DPYD: variants seen among roughly 807,000 people sequenced by gnomAD.
DPYD encodes dihydropyrimidine dehydrogenase, also known as dihydropyrimidine dehydrogenase [NADP(+)].
In DPYD, 109 loss-of-function variants were observed where a neutral mutation model predicts 116.2. The observed-to-expected ratio is 0.94, with a 90% CI of 0.80 to 1.10. The LOEUF (loss-of-function observed/expected upper bound fraction) is 1.10, where lower values mean the gene tolerates loss of function less well. Ranked by LOEUF, DPYD falls within the 50% of genes least tolerant of loss-of-function variation. The probability of loss-of-function intolerance (pLI) is 0.00; values close to 1 mark genes in which losing one functional copy is unlikely to be tolerated. For synonymous variants in DPYD, 440 were observed against 432.0 expected (o/e 1.02, Z -0.23); for missense variants, 1,302 against 1,254.5 (o/e 1.04, Z -0.57).
intron 13 of DPYD, among the ~76,000 whole-genome samples, chr1:97,452,350 T>C (rs537335021): frequency 6.6e-6 from 1 of 152,320 alleles, no homozygotes; most frequent in Non-Finnish European, 1.5e-5. Flanking sequence ...TTTTGTTTAC[T>C]ATTACATGCC....
At chr1:97,385,407 G>A (rs1273706084) in intron 14 of DPYD, among the ~76,000 whole-genome samples, 1 of 148,374 alleles carries the variant, frequency 6.7e-6, no homozygotes, top group Non-Finnish European at 1.5e-5. Context: ...AACTTCAAGG[G>A]CAGAGACAGA....
intron 14 of DPYD, among the ~76,000 whole-genome samples, chr1:97,404,736 A>G (rs896832786): frequency 3.3e-5 from 5 of 152,074 alleles, no homozygotes; most frequent in African/African-American, 1.2e-4. Context: ...ATCCACTTAA[A>G]CAATCTTTGT....
Position 97,206,723 on chromosome 1 carries a change from T to C in DPYD, c.2443-13475A>G, listed in dbSNP as rs538917513. ...CTTATAATGCATATGTGCGTATACA[T>C]GTTTATATGTTTATGTTAATGTATG... is the stretch of plus-strand genomic sequence containing the variant. On this transcript the variant is annotated intron_variant, in intron 19 of 22. Transcript: ENST00000370192. Among the ~76,000 whole-genome samples, 4 of 144,540 alleles carry C rather than the reference T, an allele frequency of 2.8e-5. No homozygotes were observed. The East Asian group carries it at 8.0e-4, about 29-fold the overall frequency. The allele number at this position is 144,540 out of a possible 152,430, so 94.8% of individuals were successfully genotyped here.
At chr1:97,324,521 T>C (rs1668612240) in intron 16 of DPYD, among the ~76,000 whole-genome samples, 1 of 152,076 alleles carries the variant, frequency 6.6e-6, no homozygotes, top group South Asian at 2.1e-4. Flanking sequence ...AAAGGAGCTA[T>C]TGGCCTGGCC....
At chr1:97,376,415 C>T (rs373668519) in intron 15 of DPYD, among the ~76,000 whole-genome samples, 2 of 152,150 alleles carry the variant, frequency 1.3e-5, no homozygotes, top group African/African-American at 4.8e-5. Flanking sequence ...ATTTCCCCAA[C>T]ATTATACACA....
At chr1:97,864,679 G>T (rs1671284079) in intron 2 of DPYD, among the ~76,000 whole-genome samples, 1 of 151,832 alleles carries the variant, frequency 6.6e-6, no homozygotes, top group Admixed American at 6.6e-5. Flanking sequence ...GTTCTAAGAA[G>T]AAAAATACTT....
chr1:97,236,623 A>G (rs1661947523), intron 18 of DPYD, among the ~76,000 whole-genome samples: 1 of 152,136 alleles, frequency 6.6e-6, no homozygotes, highest in South Asian at 2.1e-4. Context: ...TATATACTAT[A>G]ATGGTGGATG....
chr1:97,586,489 T>C (rs1224592825), intron 10 of DPYD, among the ~76,000 whole-genome samples: 13 of 112,348 alleles, frequency 1.2e-4, no homozygotes, highest in East Asian at 5.4e-4. Flanking sequence ...TATATATATA[T>C]ATATATATAT....
At chr1:97,834,435 C>T (rs1237970550) in intron 2 of DPYD, among the ~76,000 whole-genome samples, 1 of 151,564 alleles carries the variant, frequency 6.6e-6, no homozygotes, top group Non-Finnish European at 1.5e-5. Context: ...GCCTCACATC[C>T]ATTGCCATGT....
At chr1:97,482,954 T>G (rs1024520657) in intron 13 of DPYD, among the ~76,000 whole-genome samples, 4 of 152,214 alleles carry the variant, frequency 2.6e-5, no homozygotes, top group Admixed American at 6.5e-5. Context: ...CAGAACCAAA[T>G]AGCAGTCTGT....
chr1:97,476,805 T>C (rs1352441555), intron 13 of DPYD, among the ~76,000 whole-genome samples: 5 of 152,128 alleles, frequency 3.3e-5, no homozygotes, highest in Admixed American at 3.3e-4. Context: ...TTCCAGACCA[T>C]CACAATCAAG....
At chr1:97,100,040 A>G (rs1570453379) in intron 20 of DPYD, among the ~76,000 whole-genome samples, 1 of 152,230 alleles carries the variant, frequency 6.6e-6, no homozygotes, top group Non-Finnish European at 1.5e-5. Context: ...ACTAGAACTG[A>G]GTACTTCATC....
intron 18 of DPYD, among the ~76,000 whole-genome samples, chr1:97,248,773 AT>A (rs1335501628): frequency 1.3e-5 from 2 of 152,168 alleles, no homozygotes; most frequent in African/African-American, 2.4e-5. Flanking sequence ...TTCTTTCTCT[AT>A]ATACTCTTCA....
intron 3 of DPYD, among the ~76,000 whole-genome samples, chr1:97,751,476 A>ATATATATAT (rs1664916212): frequency 8.4e-6 from 1 of 119,438 alleles, no homozygotes; most frequent in Admixed American, 8.5e-5. Context: ...ATATATATAT[A>ATATATATAT]TATATATATA....
At position 97,450,132 on chromosome 1, in the gene DPYD, T is replaced by A. The variant is rs762523739; in HGVS notation, c.1832A>T (p.Glu611Val). Residue 611 changes from glutamate to valine, a missense_variant, in exon 14 of 23, where the codon GAG becomes GTG. By Grantham distance (121) the Glu-to-Val change is moderately radical (BLOSUM62 -2). Coordinates refer to ENST00000370192, the MANE Select transcript of DPYD (RefSeq NM_000110.4). ...GPGQSSFLNIELISEKTAAYW... is the reference protein window; with the variant it reads ...GPGQSSFLNIVLISEKTAAYW... The stretch of plus-strand genomic sequence containing the variant: ...TGCAGCCGTTTTCTCACTGATGAGC[T>A]CAATATTCAGAAAGGAGCTTTGTCC... 3.1e-6 allele frequency: 5 copies of A among 1,613,864 alleles called. No homozygotes were observed. In the East Asian group the frequency reaches 1.1e-4, roughly 36 times the overall value.
chr1:97,122,061 C>T (rs947055074), intron 20 of DPYD, among the ~76,000 whole-genome samples: 2 of 152,024 alleles, frequency 1.3e-5, no homozygotes, highest in African/African-American at 2.4e-5. Flanking sequence ...TTTTCAGTAC[C>T]AGAGATGAGA....
At chr1:97,715,459 T>C (rs1267453216) in intron 5 of DPYD, among the ~76,000 whole-genome samples, 2 of 152,148 alleles carry the variant, frequency 1.3e-5, no homozygotes, top group African/African-American at 4.8e-5. Context: ...CTAGGACTTG[T>C]AGTAAAGAAG....
chr1:97,821,834 AT>A (rs1242691001), intron 3 of DPYD, among the ~76,000 whole-genome samples: 1 of 152,044 alleles, frequency 6.6e-6, no homozygotes, highest in Non-Finnish European at 1.5e-5. Flanking sequence ...TTTATATCTT[AT>A]TTTTATTAAT....
intron 5 of DPYD, among the ~76,000 whole-genome samples, chr1:97,708,195 C>T (rs1403068327): frequency 6.6e-6 from 1 of 151,954 alleles, no homozygotes; most frequent in Non-Finnish European, 1.5e-5. Context: ...TAAATCTTGC[C>T]TTTGATTTTG....
Sources: gnomAD v4.1 joint callset for allele counts (sites outside exome capture counted in the v4.1 genomes callset) on GRCh38, gnomAD v4.1.1 for gene constraint, MANE v1.5 for transcripts, NCBI Gene and HGNC (gene_info 2026-07-23, HGNC 2026-07-21) for gene names.